STPG2: variants seen among roughly 807,000 people sequenced by gnomAD.
STPG2 encodes sperm tail PG-rich repeat containing 2, also known as sperm-tail PG-rich repeat-containing protein 2.
A neutral mutation model predicts 54.2 loss-of-function variants in STPG2; 56 were observed. The observed-to-expected ratio is 1.03, with a 90% confidence interval of 0.83 to 1.29. The LOEUF (loss-of-function observed/expected upper bound fraction) is 1.29. Among genes scored for constraint, STPG2 ranks in the 50% most tolerant of loss-of-function variants. The pLI, the probability that STPG2 is intolerant of heterozygous loss-of-function variation, is 0.00. For missense variants in STPG2, 596 were observed against 544.9 expected (o/e 1.09, Z -0.93); for synonymous variants, 200 against 181.8 (o/e 1.10, Z -0.81).
intron 8 of STPG2, among the ~76,000 whole-genome samples, chr4:97,914,710 C>T (rs1731808560): frequency 6.6e-6 from 1 of 152,108 alleles, no homozygotes; most frequent in African/African-American, 2.4e-5. Flanking sequence ...TTGGAATACT[C>T]GCATTATGCC....
chr4:97,672,320 T>G (rs764353542), intron 10 of STPG2, among the ~76,000 whole-genome samples: 12 of 150,080 alleles, frequency 8.0e-5, no homozygotes, highest in Middle Eastern at 3.4e-3. Flanking sequence ...ATTACAAGCA[T>G]GCACCACCAC....
intron 10 of STPG2, among the ~76,000 whole-genome samples, chr4:97,634,611 A>G (rs1172974327): frequency 2.9e-4 from 44 of 150,974 alleles, no homozygotes; most frequent in African/African-American, 1.1e-3. Flanking sequence ...AGAAGAATGT[A>G]TAACTAGAAT....
chr4:97,836,512 G>A (rs1418618039), intron 9 of STPG2, among the ~76,000 whole-genome samples: 4 of 151,542 alleles, frequency 2.6e-5, no homozygotes, highest in Non-Finnish European at 2.9e-5. Context: ...CATGTGACTC[G>A]CTTTATTGCA....
chr4:98,071,710 A>G (rs939455278), intron 5 of STPG2, among the ~76,000 whole-genome samples: 1 of 152,106 alleles, frequency 6.6e-6, no homozygotes, highest in East Asian at 1.9e-4. Flanking sequence ...ACTTAAATTT[A>G]CAGGAACAAA....
At chr4:97,558,799 T>A (rs1044255036), downstream of STPG2, 32 of 401,030 alleles carry the variant, frequency 8.0e-5, no homozygotes, top group Non-Finnish European at 1.3e-4. Context: ...TAAATGTTAC[T>A]TTAAGCCAAA....
chr4:97,795,955 G>A (rs1727160355), intron 9 of STPG2, among the ~76,000 whole-genome samples: 1 of 152,174 alleles, frequency 6.6e-6, no homozygotes, highest in Non-Finnish European at 1.5e-5. Context: ...GGCCAGTGAT[G>A]ATGAGCATTT....
In STPG2 at chr4:97,923,393, G is replaced by A. The variant is rs1353746388; in HGVS notation, c.1044+20504C>T. On this transcript the variant is annotated intron_variant, in intron 8 of 10. Coordinates refer to ENST00000295268, the MANE Select transcript of STPG2 (RefSeq NM_174952.3). ...GCCCCGTCCCATCGACTGCCCAAGG[G>A]CTAAGGAGTGCAGGCGCACAGCGCA... is the stretch of plus-strand genomic sequence containing the variant. Among the ~76,000 whole-genome samples the A allele has an allele frequency of 2.6e-5, 4 of 151,996 alleles. 1 individual carries two copies. Among genetic ancestry groups the A allele is most frequent in the Admixed American group, 2.6e-4 (4 of 15,250 alleles).
At chr4:98,098,061 G>A (rs180901761) in intron 5 of STPG2, among the ~76,000 whole-genome samples, 1 of 152,198 alleles carries the variant, frequency 6.6e-6, no homozygotes, top group East Asian at 1.9e-4. Context: ...GCAATCTACA[G>A]AGCCAGTGCA....
chr4:97,766,455 T>A (rs1048252787), intron 9 of STPG2, among the ~76,000 whole-genome samples: 2 of 152,030 alleles, frequency 1.3e-5, no homozygotes, highest in Non-Finnish European at 1.5e-5. Context: ...AAAATACTAA[T>A]GAGTACACAA....
chr4:97,794,790 A>G (rs543889646), intron 9 of STPG2, among the ~76,000 whole-genome samples: 1 of 152,294 alleles, frequency 6.6e-6, no homozygotes, highest in Admixed American at 6.5e-5. Context: ...CAGTTTTTCC[A>G]AAGATTGGCT....
At position 98,134,475 on chromosome 4, in the gene STPG2, C is replaced by G; in HGVS notation, c.110-16G>C. Reference sequence around the variant, plus strand: ...GCATTACTACCTATAAAAATAAAATCATATGACCAGCAGATAAGATAAGAG... The same window carrying G: ...GCATTACTACCTATAAAAATAAAATGATATGACCAGCAGATAAGATAAGAG... On this transcript the variant is annotated splice_polypyrimidine_tract_variant and intron_variant, in intron 1 of 10. Transcript: ENST00000295268. 1 of 1,487,906 alleles carries G rather than the reference C, an allele frequency of 6.7e-7. No individual in the cohort carries two copies. The allele number at this position is 1,487,906 out of a possible 1,614,324, so 92.2% of individuals were successfully genotyped here. A position where few individuals can be genotyped will look rare whatever the true frequency, so the allele number is the denominator to read the frequency against.
chr4:97,727,631 T>C (rs756260925), intron 9 of STPG2, among the ~76,000 whole-genome samples: 2 of 151,922 alleles, frequency 1.3e-5, no homozygotes, highest in Non-Finnish European at 2.9e-5. Context: ...AACAGGTTTA[T>C]TACAGGTCAT....
At chr4:97,506,941 A>ATTTAC (rs1471752834) in intron 4 of STPG2, among the ~76,000 whole-genome samples, 8 of 152,226 alleles carry the variant, frequency 5.3e-5, no homozygotes, top group African/African-American at 1.9e-4. Flanking sequence ...ATATTGTCAT[A>ATTTAC]ATATAATATG....
chr4:97,885,147 G>A (rs541960890), intron 8 of STPG2, among the ~76,000 whole-genome samples: 1 of 145,702 alleles, frequency 6.9e-6, no homozygotes, highest in African/African-American at 2.5e-5. Context: ...GGAAAGTCTA[G>A]ACAGTGTACA....
chr4:98,022,512 C>T (rs1180827826), intron 5 of STPG2, among the ~76,000 whole-genome samples: 1 of 151,536 alleles, frequency 6.6e-6, no homozygotes, highest in Admixed American at 6.6e-5. Context: ...TTGCTCTTCT[C>T]GAGGAGTATC....
At chr4:98,058,581 A>G (rs1385735661) in intron 5 of STPG2, among the ~76,000 whole-genome samples, 5 of 152,172 alleles carry the variant, frequency 3.3e-5, no homozygotes, top group African/African-American at 1.2e-4. Context: ...GACACCTACA[A>G]AGAGACAGAG....
chr4:97,808,509 T>C (rs1727639372), intron 9 of STPG2, among the ~76,000 whole-genome samples: 2 of 151,042 alleles, frequency 1.3e-5, no homozygotes, highest in South Asian at 2.1e-4. Flanking sequence ...TTTTTCAAAA[T>C]CCTAAAAATA....
intron 8 of STPG2, among the ~76,000 whole-genome samples, chr4:97,879,067 C>A (rs1165846460): frequency 6.6e-6 from 1 of 152,186 alleles, no homozygotes; most frequent in Admixed American, 6.5e-5. Flanking sequence ...GCAAGAGTCA[C>A]CTTTACTCCA....
chr4:98,141,059 T>TA (rs1365850717), intron 1 of STPG2, among the ~76,000 whole-genome samples: 12 of 56,018 alleles, frequency 2.1e-4, no homozygotes, highest in Non-Finnish European at 4.1e-4. Context: ...TAAGCTCTGA[T>TA]TTTTTTTATT....
Sources: allele counts gnomAD v4.1 joint callset (sites outside exome capture counted in the v4.1 genomes callset), GRCh38; gene constraint gnomAD v4.1.1; transcripts MANE v1.5; gene names NCBI Gene and HGNC (gene_info 2026-07-23, HGNC 2026-07-21).